The following CPPED1 variants were observed in gnomAD, a reference collection of about 807,000 sequenced individuals.
The protein encoded by CPPED1 is calcineurin like phosphoesterase domain containing 1.
Under a neutral mutation model 28.0 loss-of-function variants are expected in CPPED1, and 28 were observed. The ratio of observed to expected loss-of-function variants is 1.00; its 90% CI spans 0.74 to 1.37. The LOEUF is 1.37. Among genes scored for constraint, CPPED1 ranks in the 40% most tolerant of loss-of-function variants. The probability of loss-of-function intolerance (pLI) is 0.00; values close to 1 mark genes in which losing one functional copy is unlikely to be tolerated. For synonymous variants in CPPED1, 198 were observed against 180.2 expected, an observed-to-expected ratio of 1.10 and a Z score of -0.79; for missense variants, 504 against 416.5, an observed-to-expected ratio of 1.21 and a Z score of -1.83.
chr16:12,750,386 C>G (rs2080319762), intron 2 of CPPED1, among the ~76,000 whole-genome samples: 2 of 152,084 alleles, frequency 1.3e-5, no homozygotes, highest in East Asian at 3.9e-4. Context: ...CGCTTAGAAG[C>G]CAGTATAGGG....
chr16:12,800,762 A>G (rs1178362625), intron 1 of CPPED1, among the ~76,000 whole-genome samples: 2 of 151,708 alleles, frequency 1.3e-5, no homozygotes, highest in African/African-American at 4.8e-5. Flanking sequence ...TTCAGCCCTC[A>G]TCCTTCCCTT....
At chr16:12,725,246 A>G (rs1285485046) in intron 2 of CPPED1, among the ~76,000 whole-genome samples, 16 of 152,114 alleles carry the variant, frequency 1.1e-4, no homozygotes, top group African/African-American at 3.9e-4. Context: ...GGCATGTGCC[A>G]CCACACCTGG....
chr16:12,661,563 T>G lies in CPPED1; in HGVS notation c.*3323A>C, dbSNP rs982847563. On this transcript the variant is annotated 3_prime_UTR_variant, in exon 4 of 4. Transcript: ENST00000381774. ...CTTTAAAAAACCTTCCCCCGTAACA[T>G]GTCCTTGTGTTTTTGTTTTTTCCTC... 5.3e-5 allele frequency: 8 copies of G among 152,188 alleles called. No individual in the cohort carries two copies. Among genetic ancestry groups the G allele is most frequent in the Non-Finnish European group, 1.0e-4 (7 of 68,028 alleles). The allele number at this position is 152,188 out of a possible 1,614,324, so 9.4% of individuals were successfully genotyped here.
intron 2 of CPPED1, among the ~76,000 whole-genome samples, chr16:12,772,415 C>T (rs2080475269): frequency 6.6e-6 from 1 of 152,222 alleles, no homozygotes; most frequent in South Asian, 2.1e-4. Context: ...CAGACTTTTG[C>T]AGCCATATCT....
intron 2 of CPPED1, among the ~76,000 whole-genome samples, chr16:12,743,974 AAAAG>A (rs1163299699): frequency 6.6e-6 from 1 of 150,602 alleles, no homozygotes; most frequent in Admixed American, 6.6e-5. Context: ...ACAAAAACCA[AAAAG>A]AAAGAAAGAA....
intron 3 of CPPED1, 79 bp from the exon 4 acceptor site, chr16:12,665,194 G>A: frequency 8.1e-7 from 1 of 1,233,308 alleles, no homozygotes; most frequent in Non-Finnish European, 1.1e-6. Flanking sequence ...TTTATTCTGT[G>A]AACAGTAATA....
At chr16:12,742,098 A>G (rs1160239131) in intron 2 of CPPED1, among the ~76,000 whole-genome samples, 1 of 150,764 alleles carries the variant, frequency 6.6e-6, no homozygotes, top group East Asian at 1.9e-4. Flanking sequence ...AATAAATAAA[A>G]TACTGCAAAA....
At chr16:12,727,221 G>T (rs1286341811) in intron 2 of CPPED1, among the ~76,000 whole-genome samples, 1 of 152,158 alleles carries the variant, frequency 6.6e-6, no homozygotes, top group African/African-American at 2.4e-5. Context: ...TATCCAGATA[G>T]GCATTCTGGC....
intron 1 of CPPED1, among the ~76,000 whole-genome samples, chr16:12,790,088 G>C (rs1334543977): frequency 6.6e-6 from 1 of 152,130 alleles, no homozygotes; most frequent in African/African-American, 2.4e-5. Context: ...CAGGTGCAAA[G>C]CAATTGCACT....
rs2080038301 is a variant in CPPED1 at position 12,704,646 on chromosome 16, C to T, written c.693G>A (p.Leu231=). 1 of 1,610,930 alleles carries T rather than the reference C, an allele frequency of 6.2e-7. No individual in the cohort carries two copies. The highest frequency in any genetic ancestry group is 1.7e-5 in the Admixed American group (1 of 59,946). The stretch of plus-strand genomic sequence containing the variant: ...TACCTGCGTGGATGAACTTGTCTGC[C>T]AACTTCTTCCGAGTGGACTTGCTGA... ...FNLSKSTRKK[L]ADKFIHAGVK... The change falls in exon 3 of 4, where the codon TTG becomes TTA. Residue 231 remains leucine (L), a synonymous_variant. Coordinates refer to ENST00000381774, the MANE Select transcript of CPPED1 (RefSeq NM_018340.3).
At chr16:12,695,211 TG>T (rs1206925696) in intron 3 of CPPED1, among the ~76,000 whole-genome samples, 1 of 152,172 alleles carries the variant, frequency 6.6e-6, no homozygotes, top group East Asian at 1.9e-4. Flanking sequence ...ACTTAATTGG[TG>T]AGGTATGTTA....
Position 12,664,892 on chromosome 16 carries a change from T to C in CPPED1, c.939A>G (p.Lys313=). 1.2e-6 allele frequency: 2 copies of C among 1,606,652 alleles called. No individual in the cohort carries two copies. The highest frequency in any genetic ancestry group is 1.7e-6 in the Non-Finnish European group (2 of 1,177,564). ...IEDDLMDLIK[K]K The stretch of plus-strand genomic sequence containing the variant: ...ACGGGAACGGGAAGGAGCGTCATTT[T>C]TTCTTGATCAAATCCATGAGATCGT... The change falls in exon 4 of 4, where the codon AAA becomes AAG. Residue 313 remains lysine (K), a synonymous_variant. Transcript: ENST00000381774. The surrounding 1 kb of genome is among the most constrained non-coding windows in gnomAD (Gnocchi z 4.2).
intron 2 of CPPED1, among the ~76,000 whole-genome samples, chr16:12,740,258 C>T (rs148555463): frequency 6.6e-6 from 1 of 151,702 alleles, no homozygotes; most frequent in Non-Finnish European, 1.5e-5. Flanking sequence ...CCAGCCTGGC[C>T]AACATGGTGA....
chr16:12,678,455 T>C (rs570829597), intron 3 of CPPED1, among the ~76,000 whole-genome samples: 1 of 152,354 alleles, frequency 6.6e-6, no homozygotes, highest in South Asian at 2.1e-4. Context: ...TGCTATAATT[T>C]TGATTGGGAT....
intron 2 of CPPED1, chr16:12,761,289 A>AAG (rs1555489766): frequency 6.6e-6 from 1 of 151,014 alleles, no homozygotes; most frequent in Non-Finnish European, 1.5e-5. Flanking sequence ...AAAAAAAAAA[A>AAG]AAAAGAAAAA....
At chr16:12,702,531 C>CTCAA (rs372602706) in intron 3 of CPPED1, among the ~76,000 whole-genome samples, 2,583 of 149,162 alleles carry the variant, frequency 0.017, 33 homozygotes, top group Non-Finnish European at 0.026. Flanking sequence ...AAGCAAGACT[C>CTCAA]TCAATCAATC....
At chr16:12,732,297 G>A (rs1001516810) in intron 2 of CPPED1, among the ~76,000 whole-genome samples, 1 of 150,670 alleles carries the variant, frequency 6.6e-6, no homozygotes, top group Middle Eastern at 3.2e-3. Flanking sequence ...TCGGTAGAAG[G>A]CTTAGAAGAT....
intron 1 of CPPED1, among the ~76,000 whole-genome samples, chr16:12,795,007 G>A (rs896277655): frequency 3.9e-5 from 6 of 152,242 alleles, no homozygotes; most frequent in African/African-American, 1.4e-4. Context: ...GACATTTCCA[G>A]AACCTCTCTC....
chr16:12,726,299 C>T (rs941108831), intron 2 of CPPED1, among the ~76,000 whole-genome samples: 1 of 151,142 alleles, frequency 6.6e-6, no homozygotes, highest in Non-Finnish European at 1.5e-5. Context: ...CTCAGCCTCC[C>T]AAAGTGCTGG....
Sources: gnomAD v4.1 joint callset for allele counts (sites outside exome capture counted in the v4.1 genomes callset) on GRCh38, gnomAD v4.1.1 for gene constraint, Gnocchi (gnomAD v3.1) non-coding constraint, MANE v1.5 for transcripts, NCBI Gene and HGNC (gene_info 2026-07-23, HGNC 2026-07-21) for gene names.